ZNF30: variants seen among roughly 807,000 people sequenced by gnomAD.
The protein encoded by ZNF30 is zinc finger protein 30 (KOX 28).
ZNF30 carries 15 observed loss-of-function variants against 13.2 expected under a neutral mutation model. The observed-to-expected ratio is 1.13, with a 90% CI of 0.76 to 1.75. The LOEUF is 1.75. Among genes scored for constraint, ZNF30 ranks in the 40% most tolerant of loss-of-function variants. ZNF30 has a pLI of 0.00. For synonymous variants in ZNF30, 223 were observed against 256.6 expected (o/e 0.87, Z 1.25); for missense variants, 726 against 757.0 (o/e 0.96, Z 0.48).
chr19:34,941,146 G>A (rs141502288), intron 4 of ZNF30, among the ~76,000 whole-genome samples: 3 of 152,182 alleles, frequency 2.0e-5, no homozygotes, highest in East Asian at 1.9e-4. Flanking sequence ...ATCTGTTATC[G>A]GGATTACAAT....
At chr19:34,935,335 T>C (rs2012672135) in intron 4 of ZNF30, among the ~76,000 whole-genome samples, 1 of 152,108 alleles carries the variant, frequency 6.6e-6, no homozygotes, top group South Asian at 2.1e-4. Context: ...CAACCCAGAT[T>C]CTCCAAATGA....
chr19:34,931,194 C>G (rs755212540), intron 2 of ZNF30, among the ~76,000 whole-genome samples: 1 of 151,972 alleles, frequency 6.6e-6, no homozygotes, highest in East Asian at 1.9e-4. Context: ...CATGCCACAA[C>G]GCCCAGCTAA....
At chr19:34,942,244 A>C (rs2013081252) in intron 4 of ZNF30, among the ~76,000 whole-genome samples, 1 of 152,076 alleles carries the variant, frequency 6.6e-6, no homozygotes, top group Non-Finnish European at 1.5e-5. Context: ...GGAATTGGAG[A>C]CCAGCCTGGG....
Position 34,943,275 on chromosome 19 carries a change from A to T in ZNF30, c.309A>T (p.Glu103Asp). ...TIGCKEMPTS[E>D]NCPSFALHQK... ...GCTGTAAAGAAATGCCCACCTCTGA[A>T]AACTGTCCATCTTTTGCTCTACATC... The change falls in exon 5 of 5, where the codon GAA becomes GAT. Residue 103 changes from glutamate (E) to aspartate (D), a missense_variant. Physicochemically the swap from Glu to Asp is conservative, Grantham distance 45. Coordinates refer to ENST00000601142, the MANE Select transcript of ZNF30 (RefSeq NM_194325.3). 4 of 1,613,142 alleles carry T rather than the reference A, an allele frequency of 2.5e-6. No individual in the cohort carries two copies. Among genetic ancestry groups the T allele is most frequent in the Non-Finnish European group, 3.4e-6 (4 of 1,179,556 alleles).
At position 34,940,667 on chromosome 19, in the gene ZNF30, CAAAAAAAA is replaced by C. The variant is rs59553578; in HGVS notation, c.257-2538_257-2531del. Among the ~76,000 whole-genome samples, 492 of 63,930 alleles carry C rather than the reference CAAAAAAAA, an allele frequency of 7.7e-3. 21 individuals are homozygous for C. In the South Asian group the frequency reaches 0.19, roughly 25 times the overall value. 41.9% of individuals were successfully genotyped at this position (63,930 alleles called of 152,430 possible). On this transcript the variant is annotated intron_variant, in intron 4 of 4. Transcript: ENST00000601142. Reference sequence around the variant, plus strand: ...TGGGCAACAGAGTGAGACTCCGTCTCAAAAAAAAAAAAAAAAAAAAAAAAATAGAATAT... The same window carrying C: ...TGGGCAACAGAGTGAGACTCCGTCTCAAAAAAAAAAAAAAAAATAGAATAT...
chr19:34,943,742 C>T lies in ZNF30; in HGVS notation c.776C>T (p.Pro259Leu), dbSNP rs2013174144. The change falls in exon 5 of 5, where the codon CCC (proline) becomes CTC (leucine). Residue 259 changes from proline to leucine, a missense_variant. Pro to Leu is a moderately conservative substitution (Grantham distance 98). Coordinates refer to ENST00000601142, the MANE Select transcript of ZNF30 (RefSeq NM_194325.3). ...RHQSTHTGEK[P>L]FGCEECGKAF... is the part of the protein sequence containing the mutation. Reference sequence around the variant, plus strand: ...CAGAGTACTCACACTGGTGAAAAACCCTTTGGGTGTGAGGAGTGTGGGAAG... The same window carrying T: ...CAGAGTACTCACACTGGTGAAAAACTCTTTGGGTGTGAGGAGTGTGGGAAG... The T allele has an allele frequency of 1.2e-6, 2 of 1,613,870 alleles. No individual in the cohort carries two copies. Among genetic ancestry groups the T allele is most frequent in the East Asian group, 2.2e-5 (1 of 44,882 alleles).
intron 4 of ZNF30, among the ~76,000 whole-genome samples, chr19:34,938,402 C>A (rs2012854106): frequency 6.6e-6 from 1 of 151,800 alleles, no homozygotes; most frequent in African/African-American, 2.4e-5. Context: ...TTTTATAATA[C>A]CTCTTAATAT....
intron 4 of ZNF30, among the ~76,000 whole-genome samples, chr19:34,938,860 C>T (rs558474996): frequency 2.0e-5 from 3 of 152,252 alleles, no homozygotes; most frequent in South Asian, 2.1e-4. Context: ...AGGATACACT[C>T]GCATAGCCCT....
chr19:34,943,294 C>A lies in ZNF30; in HGVS notation c.328C>A (p.Leu110Ile). 1.2e-6 allele frequency: 2 copies of A among 1,613,684 alleles called. No homozygotes were observed. The highest frequency in any genetic ancestry group is 2.2e-5 in the South Asian group (2 of 90,998). Residue 110 changes from leucine (L) to isoleucine (I), a missense_variant, in exon 5 of 5, where the codon CTA becomes ATA. Transcript: ENST00000601142. ...CTCTGAAAACTGTCCATCTTTTGCT[C>A]TACATCAGAAAATAAGTAGACAGAA... Reference protein sequence around the residue: ...PTSENCPSFALHQKISRQKPR... With the variant: ...PTSENCPSFAIHQKISRQKPR...
At position 34,935,846 on chromosome 19, in the gene ZNF30, G is replaced by T. The variant is rs2012709803; in HGVS notation, c.256+2123G>T. ...CACGCTGCTGATAAAACATACCCAA[G>T]ACTGGGTAATTTATAAAGAAAAAGA... is the stretch of plus-strand genomic sequence containing the variant. On this transcript the variant is annotated intron_variant, in intron 4 of 4. Transcript: ENST00000601142. 2.6e-5 allele frequency among the ~76,000 whole-genome samples: 4 copies of T among 151,660 alleles called. No individual in the cohort carries two copies. In the South Asian group the frequency reaches 8.3e-4, roughly 32 times the overall value.
intron 1 of ZNF30, 121 bp from the exon 2 acceptor site, chr19:34,929,763 A>G: frequency 1.8e-6 from 1 of 545,694 alleles, no homozygotes; most frequent in East Asian, 3.1e-5. Context: ...ACTGTTCTCC[A>G]AATTTTGTTT....
At chr19:34,938,981 C>T (rs767225770) in intron 4 of ZNF30, among the ~76,000 whole-genome samples, 4 of 152,118 alleles carry the variant, frequency 2.6e-5, no homozygotes, top group African/African-American at 9.7e-5. Flanking sequence ...AGCAATTCCA[C>T]GGGCATGGTT....
At chr19:34,932,562 T>G (rs1002254006) in intron 3 of ZNF30, among the ~76,000 whole-genome samples, 3 of 152,172 alleles carry the variant, frequency 2.0e-5, no homozygotes, top group African/African-American at 7.2e-5. Flanking sequence ...TGTTTCACTG[T>G]TCTCTGCTCT....
chr19:34,933,734 G>A lies in ZNF30; in HGVS notation c.256+11G>A. 3.9e-6 allele frequency: 6 copies of A among 1,555,186 alleles called. No individual in the cohort carries two copies. Among genetic ancestry groups the A allele is most frequent in the Non-Finnish European group, 5.2e-6 (6 of 1,143,116 alleles). On this transcript the variant is annotated intron_variant, in intron 4 of 4. Coordinates refer to ENST00000601142, the MANE Select transcript of ZNF30 (RefSeq NM_194325.3). ...GAAGATGGTGCACAGGTGAGTAAGA[G>A]CATGGCAGGTAGGGAGGCCATTGTT...
intron 3 of ZNF30, among the ~76,000 whole-genome samples, chr19:34,933,410 A>G (rs1158971921): frequency 2.0e-5 from 3 of 152,070 alleles, no homozygotes; most frequent in African/African-American, 7.2e-5. Flanking sequence ...CTGAGATCGC[A>G]CACTGCACTG....
At chr19:34,935,057 G>A (rs907446210) in intron 4 of ZNF30, among the ~76,000 whole-genome samples, 5 of 152,072 alleles carry the variant, frequency 3.3e-5, no homozygotes, top group Admixed American at 2.0e-4. Context: ...GTAAAACCCC[G>A]TCTCTACTAA....
At chr19:34,931,133 A>G (rs1361723666) in intron 2 of ZNF30, among the ~76,000 whole-genome samples, 8 of 145,960 alleles carry the variant, frequency 5.5e-5, no homozygotes, top group African/African-American at 1.5e-4. Flanking sequence ...CACCTCCTGG[A>G]TTCAAGTGAT....
intron 1 of ZNF30, among the ~76,000 whole-genome samples, chr19:34,929,461 T>A (rs112533786): frequency 8.8e-4 from 134 of 152,320 alleles, no homozygotes; most frequent in African/African-American, 3.2e-3. Context: ...TGCCTGATCA[T>A]TTTCTCCTAT....
At chr19:34,926,051 G>T (rs1179532313), upstream of ZNF30, among the ~76,000 whole-genome samples, 2 of 152,196 alleles carry the variant, frequency 1.3e-5, no homozygotes, top group Non-Finnish European at 2.9e-5. Context: ...GCGCGCCCCT[G>T]TAGTCTCAGC....
Sources: gnomAD v4.1 joint callset for allele counts (sites outside exome capture counted in the v4.1 genomes callset) on GRCh38, gnomAD v4.1.1 for gene constraint, MANE v1.5 for transcripts, NCBI Gene and HGNC (gene_info 2026-07-23, HGNC 2026-07-21) for gene names.